The following RTTN variants were observed in gnomAD, a reference collection of about 807,000 sequenced individuals.
The protein encoded by RTTN is rotatin.
A neutral mutation model predicts 269.2 loss-of-function variants in RTTN; 182 were observed. The observed-to-expected ratio is 0.68, with a 90% CI of 0.60 to 0.76. The LOEUF (loss-of-function observed/expected upper bound fraction) is 0.76, where lower values mean the gene tolerates loss of function less well. RTTN is among the 30% of genes least tolerant of loss of function. RTTN has a pLI of 0.00. For missense variants in RTTN, 2,545 were observed against 2,608.6 expected, an observed-to-expected ratio of 0.98 and a Z score of 0.53; for synonymous variants, 1,006 against 963.5, an observed-to-expected ratio of 1.04 and a Z score of -0.82.
intron 34 of RTTN, among the ~76,000 whole-genome samples, chr18:70,071,091 C>T (rs2058282796): frequency 6.6e-6 from 1 of 152,154 alleles, no homozygotes; most frequent in Admixed American, 6.5e-5. Flanking sequence ...AGCAAACATA[C>T]TTCTGGACTC....
intron 12 of RTTN, among the ~76,000 whole-genome samples, chr18:70,167,879 G>A (rs2061032681): frequency 6.6e-6 from 1 of 152,114 alleles, no homozygotes; most frequent in African/African-American, 2.4e-5. Context: ...AGGCACGGTG[G>A]CTAACACCTT....
chr18:70,160,904 T>A (rs2060810497), intron 14 of RTTN, among the ~76,000 whole-genome samples: 1 of 152,112 alleles, frequency 6.6e-6, no homozygotes, highest in African/African-American at 2.4e-5. Context: ...TCAATATTGT[T>A]AAAATGGCCA....
intron 14 of RTTN, among the ~76,000 whole-genome samples, chr18:70,161,017 A>G (rs1265037651): frequency 6.6e-6 from 1 of 152,170 alleles, no homozygotes; most frequent in Non-Finnish European, 1.5e-5. Flanking sequence ...ATATGGAACC[A>G]AAAAAAGAGA....
rs550258292 is a variant in RTTN at position 70,043,188 on chromosome 18, CT to C, written c.5541+4782del. ...GAACACACTGAGAGGATGTTTAATT[CT>C]GGCAAAGAGCATGGAGCTTGTAAGT... On this transcript the variant is annotated intron_variant, in intron 40 of 48. Coordinates refer to ENST00000640769, the MANE Select transcript of RTTN (RefSeq NM_173630.4). Among the ~76,000 whole-genome samples the C allele has an allele frequency of 5.3e-5, 8 of 152,304 alleles. No individual in the cohort carries two copies. The South Asian group carries it at 1.0e-3, about 20-fold the overall frequency.
chr18:70,031,381 T>C, intron 40 of RTTN: 2 of 399,408 alleles, frequency 5.0e-6, no homozygotes, highest in Non-Finnish European at 4.4e-6. Flanking sequence ...TGGGGACACA[T>C]TCCCCTCTCT....
intron 9 of RTTN, 102 bp downstream of exon 9, chr18:70,190,436 G>A (rs1218557585): frequency 1.4e-6 from 1 of 707,922 alleles, no homozygotes; most frequent in African/African-American, 1.8e-5. Context: ...AGTAAATACA[G>A]ATTCCAAAGG....
chr18:70,164,215 T>C (rs1419357525), intron 14 of RTTN, among the ~76,000 whole-genome samples: 3 of 65,106 alleles, frequency 4.6e-5, no homozygotes, highest in East Asian at 2.2e-3. Flanking sequence ...TTTTCCTTTT[T>C]TTTTTTTTTT....
At chr18:70,116,231 C>T (rs895548189) in intron 26 of RTTN, among the ~76,000 whole-genome samples, 3 of 152,090 alleles carry the variant, frequency 2.0e-5, no homozygotes, top group East Asian at 1.9e-4. Flanking sequence ...TATACCAAGA[C>T]GCAAACTCCA....
At chr18:70,013,019 G>T (rs1358085814) in intron 46 of RTTN, among the ~76,000 whole-genome samples, 1 of 152,150 alleles carries the variant, frequency 6.6e-6, no homozygotes, top group Admixed American at 6.5e-5. Context: ...AATGTGAAAG[G>T]CAGGTGCAGT....
intron 34 of RTTN, among the ~76,000 whole-genome samples, chr18:70,070,968 T>C: frequency 6.6e-6 from 1 of 152,188 alleles, no homozygotes; most frequent in East Asian, 1.9e-4. Flanking sequence ...AGTGGCCACT[T>C]CCTACACAAA....
rs116217853 is a variant in RTTN at position 70,160,153 on chromosome 18, T to C, written c.1929+5909A>G. 4.1e-3 allele frequency among the ~76,000 whole-genome samples: 614 copies of C among 151,284 alleles called. 4 individuals are homozygous for C. Among genetic ancestry groups the C allele is most frequent in the African/African-American group, 0.014 (586 of 41,176 alleles). On this transcript the variant is annotated intron_variant, in intron 14 of 48. Transcript: ENST00000640769. ...AAAAAAAGAAAACTTCAGGCCAATA[T>C]CTCTGATGGACATAAATGTAAAAAT... is the stretch of plus-strand genomic sequence containing the variant.
intron 28 of RTTN, among the ~76,000 whole-genome samples, chr18:70,107,240 C>T (rs1375526865): frequency 6.6e-6 from 1 of 152,182 alleles, no homozygotes; most frequent in Non-Finnish European, 1.5e-5. Flanking sequence ...ACCTAGGAAC[C>T]AATAAGAAAC....
chr18:70,057,178 G>C (rs965763547), intron 37 of RTTN, among the ~76,000 whole-genome samples: 3 of 152,162 alleles, frequency 2.0e-5, no homozygotes, highest in Non-Finnish European at 4.4e-5. Context: ...AAATCTTGTA[G>C]CCCTTCTTAA....
intron 34 of RTTN, among the ~76,000 whole-genome samples, chr18:70,068,908 T>G (rs1041321239): frequency 6.6e-6 from 1 of 152,180 alleles, no homozygotes; most frequent in Non-Finnish European, 1.5e-5. Context: ...ACTTTACAGA[T>G]ATTACAAAAG....
At chr18:70,193,249 G>A (rs759792544) in intron 8 of RTTN, 39 bp downstream of exon 8, 34 of 1,531,364 alleles carry the variant, frequency 2.2e-5, no homozygotes, top group South Asian at 3.6e-5. Flanking sequence ...CAAGTTAACC[G>A]GCATTTCTCA....
intron 28 of RTTN, among the ~76,000 whole-genome samples, chr18:70,101,202 G>T (rs751822935): frequency 3.9e-5 from 6 of 152,126 alleles, no homozygotes; most frequent in Non-Finnish European, 7.3e-5. Flanking sequence ...AATCCATCTG[G>T]TCCTGGACTT....
At chr18:70,057,713 A>C in intron 37 of RTTN, 29 bp downstream of exon 37, 1 of 1,583,874 alleles carries the variant, frequency 6.3e-7, no homozygotes, top group Non-Finnish European at 8.7e-7. Flanking sequence ...TAACGTAAAC[A>C]AACCCACAAA....
chr18:70,047,874 A>T, intron 40 of RTTN, 97 bp downstream of exon 40: 1 of 935,792 alleles, frequency 1.1e-6, no homozygotes, highest in Non-Finnish European at 1.6e-6. Flanking sequence ...CTATTTCTTA[A>T]TTTAAATGAC....
chr18:70,071,302 GA>G (rs1213367569), intron 34 of RTTN, among the ~76,000 whole-genome samples: 6 of 151,994 alleles, frequency 3.9e-5, no homozygotes, highest in Admixed American at 2.0e-4. Context: ...CTGTGTTCCA[GA>G]AAAAAGTTTG....
Sources: allele counts gnomAD v4.1 joint callset (sites outside exome capture counted in the v4.1 genomes callset), GRCh38; gene constraint gnomAD v4.1.1; transcripts MANE v1.5; gene names NCBI Gene and HGNC (gene_info 2026-07-23, HGNC 2026-07-21).